Variants in PLEK2 observed in about 807,000 individuals in gnomAD.
PLEK2 encodes pleckstrin-2.
A neutral mutation model predicts 43.8 loss-of-function variants in PLEK2; 29 were observed. The ratio of observed to expected loss-of-function variants is 0.66; its 90% CI spans 0.49 to 0.90. PLEK2 has a LOEUF of 0.90. Among genes scored for constraint, PLEK2 ranks in the 40% least tolerant of loss-of-function variants. PLEK2 has a pLI of 0.00. For missense variants in PLEK2, 398 were observed against 448.1 expected, an observed-to-expected ratio of 0.89 and a Z score of 1.01; for synonymous variants, 162 against 173.2, an observed-to-expected ratio of 0.94 and a Z score of 0.51.
intron 7 of PLEK2, 116 bp from the exon 8 acceptor site, chr14:67,388,418 G>T: frequency 1.4e-6 from 1 of 709,252 alleles, no homozygotes; most frequent in Non-Finnish European, 2.6e-6. Context: ...TGTAATAGAA[G>T]ATGAAGCTGA....
chr14:67,398,246 T>C (rs1473141044), intron 1 of PLEK2, among the ~76,000 whole-genome samples: 2 of 152,170 alleles, frequency 1.3e-5, no homozygotes, highest in Non-Finnish European at 2.9e-5. Context: ...TCTTGTTTTA[T>C]AGACAAGGTC....
chr14:67,402,759 C>T (rs1288597756), intron 1 of PLEK2, among the ~76,000 whole-genome samples: 4 of 152,204 alleles, frequency 2.6e-5, no homozygotes, highest in Non-Finnish European at 5.9e-5. Context: ...GACAGGATCT[C>T]ATTCTTTTTT....
At position 67,387,301 on chromosome 14, in the gene PLEK2, G is replaced by C. The variant is rs2085932956; in HGVS notation, c.*28C>G. The C allele has an allele frequency of 6.3e-7, 1 of 1,594,574 alleles. No homozygotes were observed. On this transcript the variant is annotated 3_prime_UTR_variant, in exon 9 of 9. Transcript: ENST00000216446. ...CTTGTCTGTGTCATCTGGTAGGAGG[G>C]AGGAATCCTGGTTCCCTCAGGTCCT...
Position 67,390,716 on chromosome 14 carries a change from G to A in PLEK2, c.802C>T (p.Arg268Cys), listed in dbSNP as rs765576134. The A allele has an allele frequency of 3.7e-6, 6 of 1,613,720 alleles. No individual in the cohort carries two copies. Among genetic ancestry groups the A allele is most frequent in the East Asian group, 4.5e-5 (2 of 44,878 alleles). Residue 268 changes from arginine to cysteine, a missense_variant, in exon 7 of 9, where the codon CGC becomes TGC. Transcript: ENST00000216446. ...GHKRKNWKVR[R>C]FVLRKDPAFL... ...GCTGGATCCTTCCTTAGAACAAAGC[G>A]ACGCACCTTCCAGTTTTTCCTCTTG...
Position 67,392,847 on chromosome 14 carries a change from A to G in PLEK2, c.484T>C (p.Ser162Pro). The change falls in exon 5 of 9, where the codon TCC becomes CCC. Residue 162 changes from serine (S) to proline (P), a missense_variant and splice_region_variant. Ser to Pro is a moderately conservative substitution (Grantham distance 74, BLOSUM62 -1). Transcript: ENST00000216446. ...GSTYKKTFLG[S>P]SLVDWLISNS... Reference sequence around the variant, plus strand: ...GAGATGAGCCAGTCCACCAGGGAGGAGCCTGGCCAAGGGCAGCACCAGTCA... The same window carrying G: ...GAGATGAGCCAGTCCACCAGGGAGGGGCCTGGCCAAGGGCAGCACCAGTCA... The G allele has an allele frequency of 3.1e-6, 5 of 1,608,446 alleles. No individual in the cohort carries two copies. The highest frequency in any genetic ancestry group is 4.3e-6 in the Non-Finnish European group (5 of 1,176,296).
chr14:67,398,070 G>A lies in PLEK2; in HGVS notation c.43-244C>T, dbSNP rs191142430. 1.3e-4 allele frequency: 45 copies of A among 358,876 alleles called. No individual in the cohort carries two copies. The Middle Eastern group carries it at 2.9e-3, about 23-fold the overall frequency. 22.2% of individuals were successfully genotyped at this position (358,876 alleles called of 1,614,324 possible). On this transcript the variant is annotated intron_variant, in intron 1 of 8. Coordinates refer to ENST00000216446, the MANE Select transcript of PLEK2 (RefSeq NM_016445.3). ...CTTGAAAGAAACTACAAAGTAAAAA[G>A]AAGAGAAAAATCACTTCCTGTAATC...
chr14:67,388,383 G>T, intron 7 of PLEK2, 81 bp from the exon 8 acceptor site: 2 of 844,106 alleles, frequency 2.4e-6, no homozygotes, highest in Non-Finnish European at 4.1e-6. Flanking sequence ...ACTCAGGCCA[G>T]CTAAAGAAGT....
At chr14:67,409,040 C>T (rs1346075553) in intron 1 of PLEK2, among the ~76,000 whole-genome samples, 1 of 146,006 alleles carries the variant, frequency 6.8e-6, no homozygotes, top group African/African-American at 2.6e-5. Flanking sequence ...CATGGTGAGA[C>T]ATTGTCGCTA....
At chr14:67,405,224 C>CAAAAA (rs770594121) in intron 1 of PLEK2, among the ~76,000 whole-genome samples, 94 of 39,046 alleles carry the variant, frequency 2.4e-3, no homozygotes, top group Non-Finnish European at 3.6e-3. Context: ...GAGTCCATCT[C>CAAAAA]AAAAAAAAAA....
At chr14:67,388,344 C>A (rs375936924) in intron 7 of PLEK2, 42 bp from the exon 8 acceptor site, 12 of 1,265,368 alleles carry the variant, frequency 9.5e-6, no homozygotes, top group Non-Finnish European at 1.3e-5. Context: ...TGTGAATGAA[C>A]AAAAGGGAAG....
intron 1 of PLEK2, among the ~76,000 whole-genome samples, chr14:67,408,475 G>T (rs1345236910): frequency 6.6e-6 from 1 of 152,220 alleles, no homozygotes; most frequent in Non-Finnish European, 1.5e-5. Context: ...TGAAAATAGG[G>T]TCTTTGCAGA....
chr14:67,387,464 GAAAAAAGGGGGA>G lies in PLEK2; in HGVS notation c.935-20_935-9del. Reference sequence around the variant, plus strand: ...GGACATTCCCTTTAACCCCTAGGCAGAAAAAAGGGGGAAAAAAATCAGTGATTGAATAGCCAT... The same window carrying G: ...GGACATTCCCTTTAACCCCTAGGCAGAAAAAATCAGTGATTGAATAGCCAT... On this transcript the variant is annotated splice_polypyrimidine_tract_variant and intron_variant, in intron 8 of 8. Coordinates refer to ENST00000216446, the MANE Select transcript of PLEK2 (RefSeq NM_016445.3). 6.3e-7 allele frequency: 1 copy of G among 1,590,818 alleles called. No individual in the cohort carries two copies. The highest frequency in any genetic ancestry group is 8.5e-7 in the Non-Finnish European group (1 of 1,172,414).
intron 2 of PLEK2, 138 bp downstream of exon 2, chr14:67,397,524 G>T (rs2086019244): frequency 1.5e-6 from 1 of 668,370 alleles, no homozygotes; most frequent in African/African-American, 1.8e-5. Context: ...CTGGTATGTG[G>T]CGGAGCCAGG....
chr14:67,401,958 C>A (rs549343197), intron 1 of PLEK2, among the ~76,000 whole-genome samples: 11 of 152,146 alleles, frequency 7.2e-5, no homozygotes, highest in African/African-American at 2.4e-4. Flanking sequence ...TGGTGAAACC[C>A]TGTCTCTGCT....
chr14:67,401,547 G>C (rs2139878151), intron 1 of PLEK2, among the ~76,000 whole-genome samples: 1 of 151,954 alleles, frequency 6.6e-6, no homozygotes, highest in Non-Finnish European at 1.5e-5. Flanking sequence ...AAAAGAAGAG[G>C]AGATTTGGAC....
chr14:67,393,375 A>G lies in PLEK2; in HGVS notation c.390-134T>C, dbSNP rs1373173501. ...CACACATCACAAAGAAAAGGGGTGTAGGAAAGCAGCCTTTTGAATGGCAAG... is the reference window on the plus strand; with the variant it reads ...CACACATCACAAAGAAAAGGGGTGTGGGAAAGCAGCCTTTTGAATGGCAAG... On this transcript the variant is annotated intron_variant, in intron 3 of 8. Transcript: ENST00000216446. 4 of 713,068 alleles carry G rather than the reference A, an allele frequency of 5.6e-6. No homozygotes were observed. In the African/African-American group the frequency reaches 7.0e-5, roughly 12 times the overall value. The allele number at this position is 713,068 out of a possible 1,614,324, so 44.2% of individuals were successfully genotyped here.
intron 1 of PLEK2, among the ~76,000 whole-genome samples, chr14:67,398,693 A>G (rs991783610): frequency 6.6e-6 from 1 of 151,506 alleles, no homozygotes; most frequent in Non-Finnish European, 1.5e-5. Flanking sequence ...AGTGGCTGGG[A>G]CTACAAGCGT....
intron 2 of PLEK2, 122 bp from the exon 3 acceptor site, chr14:67,395,705 C>G (rs1020489271): frequency 7.2e-6 from 5 of 697,532 alleles, no homozygotes; most frequent in Non-Finnish European, 9.9e-6. Flanking sequence ...CCTGAGCCCT[C>G]GGCCACATAG....
chr14:67,389,114 T>C (rs927541662), intron 7 of PLEK2, among the ~76,000 whole-genome samples: 1 of 151,958 alleles, frequency 6.6e-6, no homozygotes, highest in Non-Finnish European at 1.5e-5. Context: ...TCAGGGCAAC[T>C]TTACACACCT....
Sources: gnomAD v4.1 joint callset for allele counts (sites outside exome capture counted in the v4.1 genomes callset) on GRCh38, gnomAD v4.1.1 for gene constraint, MANE v1.5 for transcripts, NCBI Gene and HGNC (gene_info 2026-07-23, HGNC 2026-07-21) for gene names.